Variants in KCND2 observed in about 807,000 individuals in gnomAD.
KCND2 encodes the protein A-type voltage-gated potassium channel KCND2.
KCND2 carries 16 observed loss-of-function variants against 54.4 expected under a neutral mutation model. That is an observed-to-expected ratio of 0.29 (90% CI 0.20 to 0.45). KCND2 has a LOEUF of 0.45. Among genes scored for constraint, KCND2 ranks in the 20% least tolerant of loss-of-function variants. KCND2 has a pLI of 1.00. For synonymous variants in KCND2, 317 were observed against 310.7 expected, an observed-to-expected ratio of 1.02 and a Z score of -0.21; for missense variants, 486 against 824.2, an observed-to-expected ratio of 0.59 and a Z score of 5.02.
intron 1 of KCND2, among the ~76,000 whole-genome samples, chr7:120,390,613 A>C (rs1801059369): frequency 6.6e-6 from 1 of 151,980 alleles, no homozygotes; most frequent in African/African-American, 2.4e-5. Flanking sequence ...AGTTATGTTA[A>C]AGCATTTCAA....
chr7:120,681,818 A>G (rs1792143188), intron 1 of KCND2, among the ~76,000 whole-genome samples: 1 of 152,076 alleles, frequency 6.6e-6, no homozygotes, highest in African/African-American at 2.4e-5. Context: ...TTAATACCAT[A>G]TAAAGAAATG....
chr7:120,552,397 T>C (rs1792114053), intron 1 of KCND2, among the ~76,000 whole-genome samples: 1 of 152,222 alleles, frequency 6.6e-6, no homozygotes, highest in African/African-American at 2.4e-5. Context: ...TTCTAGTTTC[T>C]TGTCTGGGTT....
At chr7:120,739,354 A>C (rs565565858) in intron 2 of KCND2, among the ~76,000 whole-genome samples, 3 of 152,106 alleles carry the variant, frequency 2.0e-5, no homozygotes, top group Non-Finnish European at 4.4e-5. Context: ...TAAATTGCTT[A>C]TTTCTGAATT....
intron 1 of KCND2, among the ~76,000 whole-genome samples, chr7:120,404,993 T>G (rs1331980731): frequency 6.6e-6 from 1 of 152,158 alleles, no homozygotes; most frequent in African/African-American, 2.4e-5. Context: ...AGAAAATCCC[T>G]TTGGGAATGA....
chr7:120,717,382 C>A (rs1431488622), intron 1 of KCND2, among the ~76,000 whole-genome samples: 10 of 152,124 alleles, frequency 6.6e-5, no homozygotes, highest in African/African-American at 2.4e-4. Context: ...GGTGACATTT[C>A]ATCATTCTAT....
intron 1 of KCND2, among the ~76,000 whole-genome samples, chr7:120,417,911 A>G (rs182458552): frequency 2.1e-4 from 32 of 152,056 alleles, no homozygotes; most frequent in African/African-American, 6.5e-4. Context: ...AGATTTAACA[A>G]TAGGCATTCT....
At chr7:120,464,666 G>T (rs1802342052) in intron 1 of KCND2, among the ~76,000 whole-genome samples, 1 of 152,272 alleles carries the variant, frequency 6.6e-6, no homozygotes, top group Non-Finnish European at 1.5e-5. Flanking sequence ...AGGCTCAGGG[G>T]AAGAATGCAC....
chr7:120,672,276 T>C (rs1036877860), intron 1 of KCND2, among the ~76,000 whole-genome samples: 2 of 152,042 alleles, frequency 1.3e-5, no homozygotes, highest in East Asian at 3.9e-4. Context: ...TAAAGGAAAA[T>C]TTTTCACTTC....
chr7:120,273,804 A>ATGC lies in KCND2; in HGVS notation c.-822_-820dup, dbSNP rs1799123661. ...AGCGGCGCGTTCTGCGCGGAAGCAGATGCTGCTGCCGCCACGGCGGCGGCG... is the reference window on the plus strand; with the variant it reads ...AGCGGCGCGTTCTGCGCGGAAGCAGATGCTGCTGCTGCCGCCACGGCGGCGGCG... On this transcript the variant is annotated 5_prime_UTR_variant, in exon 1 of 6. Coordinates refer to ENST00000331113, the MANE Select transcript of KCND2 (RefSeq NM_012281.3). 1 of 152,870 alleles carries ATGC rather than the reference A, an allele frequency of 6.5e-6. No individual in the cohort carries two copies. The highest frequency in any genetic ancestry group is 2.1e-4 in the South Asian group (1 of 4,836). 9.5% of individuals were successfully genotyped at this position (152,870 alleles called of 1,614,324 possible).
chr7:120,408,079 G>A (rs1801389301), intron 1 of KCND2, among the ~76,000 whole-genome samples: 1 of 151,916 alleles, frequency 6.6e-6, no homozygotes, highest in African/African-American at 2.4e-5. Flanking sequence ...AGGTAAAATG[G>A]AGAGAAAATA....
At chr7:120,662,776 G>A (rs1383308032) in intron 1 of KCND2, among the ~76,000 whole-genome samples, 3 of 152,202 alleles carry the variant, frequency 2.0e-5, no homozygotes, top group Non-Finnish European at 4.4e-5. Context: ...TTTAAAGCTG[G>A]AAAGTGAGGA....
At chr7:120,337,663 G>A (rs143020722) in intron 1 of KCND2, among the ~76,000 whole-genome samples, 118 of 152,146 alleles carry the variant, frequency 7.8e-4, no homozygotes, top group African/African-American at 2.6e-3. Flanking sequence ...TAAAGATGCA[G>A]GTAAGCCAAC....
At chr7:120,565,621 A>G (rs903832850) in intron 1 of KCND2, among the ~76,000 whole-genome samples, 1 of 152,240 alleles carries the variant, frequency 6.6e-6, no homozygotes, top group African/African-American at 2.4e-5. Flanking sequence ...GTGTGAAGTC[A>G]TAGTCCATTC....
At chr7:120,421,341 A>G (rs1195757920) in intron 1 of KCND2, among the ~76,000 whole-genome samples, 1 of 152,208 alleles carries the variant, frequency 6.6e-6, no homozygotes, top group African/African-American at 2.4e-5. Flanking sequence ...AGGTCAGGCA[A>G]TTTACCTAGA....
At chr7:120,543,957 CCAA>C (rs1335887046) in intron 1 of KCND2, among the ~76,000 whole-genome samples, 3 of 151,850 alleles carry the variant, frequency 2.0e-5, no homozygotes, top group Non-Finnish European at 2.9e-5. Flanking sequence ...ATGGCCCTAA[CCAA>C]CTAGTCTGGA....
At chr7:120,690,581 G>A (rs180980943) in intron 1 of KCND2, among the ~76,000 whole-genome samples, 1 of 152,290 alleles carries the variant, frequency 6.6e-6, no homozygotes, top group Non-Finnish European at 1.5e-5. Context: ...TTCACCTGGT[G>A]AAGGGCAGGA....
chr7:120,452,852 A>G (rs1166729228), intron 1 of KCND2, among the ~76,000 whole-genome samples: 1 of 152,130 alleles, frequency 6.6e-6, no homozygotes, highest in Admixed American at 6.5e-5. Context: ...AACTGTAGGA[A>G]CTAGGTAGAG....
At chr7:120,484,315 C>T (rs1257186304) in intron 1 of KCND2, among the ~76,000 whole-genome samples, 1 of 151,848 alleles carries the variant, frequency 6.6e-6, no homozygotes, top group Admixed American at 6.6e-5. Flanking sequence ...GACACTGTTC[C>T]CAGCTAATTT....
chr7:120,465,747 T>C (rs1802359435), intron 1 of KCND2, among the ~76,000 whole-genome samples: 1 of 152,284 alleles, frequency 6.6e-6, no homozygotes, highest in East Asian at 1.9e-4. Flanking sequence ...TTAAACTAAA[T>C]GATGTGAGCA....
Sources: gnomAD v4.1 joint callset for allele counts (sites outside exome capture counted in the v4.1 genomes callset) on GRCh38, gnomAD v4.1.1 for gene constraint, MANE v1.5 for transcripts, NCBI Gene and HGNC (gene_info 2026-07-23, HGNC 2026-07-21) for gene names.